Variants in AMBRA1 observed in about 807,000 individuals in gnomAD.
The protein encoded by AMBRA1 is activating molecule in BECN1-regulated autophagy protein 1.
A neutral mutation model predicts 125.4 loss-of-function variants in AMBRA1; 47 were observed. The ratio of observed to expected loss-of-function variants is 0.37; its 90% CI spans 0.30 to 0.48. The LOEUF is 0.48. AMBRA1 is among the 20% of genes least tolerant of loss of function. The pLI, the probability that AMBRA1 is intolerant of heterozygous loss-of-function variation, is 0.99. For missense variants in AMBRA1, 1,331 were observed against 1,693.4 expected, an observed-to-expected ratio of 0.79 and a Z score of 3.76; for synonymous variants, 626 against 655.5, an observed-to-expected ratio of 0.95 and a Z score of 0.69.
At chr11:46,573,101 CAAA>C (rs36105565) in intron 1 of AMBRA1, among the ~76,000 whole-genome samples, 3 of 117,772 alleles carry the variant, frequency 2.5e-5, no homozygotes, top group Admixed American at 9.2e-5. Flanking sequence ...AACTCTGTCT[CAAA>C]AAAAAAAAAA....
chr11:46,581,716 C>T (rs1298288543), intron 1 of AMBRA1, among the ~76,000 whole-genome samples: 2 of 149,874 alleles, frequency 1.3e-5, no homozygotes, highest in Non-Finnish European at 3.0e-5. Flanking sequence ...AGGAGAATCG[C>T]TTGAACCCAG....
chr11:46,481,296 G>C lies in AMBRA1; in HGVS notation c.2521+12312C>G, dbSNP rs187871539. On this transcript the variant is annotated intron_variant, in intron 11 of 17. Transcript: ENST00000683756. ...TGTTTGGGAATATAATTCTTCTACA[G>C]GGCCCTCTTTCTAGGGGAAAGGATC... Among the ~76,000 whole-genome samples, 115 of 152,260 alleles carry C rather than the reference G, an allele frequency of 7.6e-4. 1 individual carries two copies. The highest frequency in any genetic ancestry group is 7.4e-3 in the Admixed American group (113 of 15,294).
At chr11:46,506,074 T>C (rs1951026156) in intron 9 of AMBRA1, among the ~76,000 whole-genome samples, 1 of 152,166 alleles carries the variant, frequency 6.6e-6, no homozygotes, top group African/African-American at 2.4e-5. Flanking sequence ...GAATAGACCC[T>C]GGTGCTGGAA....
intron 11 of AMBRA1, among the ~76,000 whole-genome samples, chr11:46,492,071 C>T (rs545550987): frequency 2.6e-5 from 4 of 152,312 alleles, no homozygotes; most frequent in African/African-American, 9.6e-5. Flanking sequence ...GTGAAAAAAG[C>T]TTTAACGTGC....
At chr11:46,587,506 A>T (rs761306034) in intron 1 of AMBRA1, among the ~76,000 whole-genome samples, 54 of 152,358 alleles carry the variant, frequency 3.5e-4, no homozygotes, top group Non-Finnish European at 6.6e-4. Flanking sequence ...TACATGTAGC[A>T]ATCAATCTTA....
chr11:46,572,832 G>T (rs79505812), intron 1 of AMBRA1, among the ~76,000 whole-genome samples: 1 of 152,098 alleles, frequency 6.6e-6, no homozygotes, highest in Non-Finnish European at 1.5e-5. Flanking sequence ...GGTGGCTCAC[G>T]CCTGTAATCA....
intron 11 of AMBRA1, among the ~76,000 whole-genome samples, chr11:46,488,958 G>A (rs1355538268): frequency 3.9e-5 from 6 of 152,066 alleles, no homozygotes; most frequent in Admixed American, 6.5e-5. Context: ...GCCCAAGTGC[G>A]GGGGCGAGAT....
intron 1 of AMBRA1, among the ~76,000 whole-genome samples, chr11:46,590,090 T>G (rs771065302): frequency 1.3e-5 from 2 of 151,650 alleles, no homozygotes; most frequent in Non-Finnish European, 2.9e-5. Flanking sequence ...TAAAAATGTA[T>G]GGCCGAGCGA....
chr11:46,410,276 C>G lies in AMBRA1; in HGVS notation c.3209G>C (p.Gly1070Ala). ...CTCCCTGCCTACTTCCCAAACATAC[C>G]CAGGCCGCTCGCTGCTCCTGCTGTT... is the stretch of plus-strand genomic sequence containing the variant. ...HSNSRSSERPGTSRATWRTDR... is the reference protein window; with the variant it reads ...HSNSRSSERPATSRATWRTDR... Residue 1070 changes from glycine to alanine, a missense_variant and splice_region_variant, in exon 16 of 18, where the codon GGA becomes GCA. Around this residue, in one of 4 missense-constraint regions of AMBRA1, gnomAD observed 354 missense variants for 532.7 expected, o/e 0.66. Transcript: ENST00000683756. The G allele has an allele frequency of 6.2e-7, 1 of 1,613,536 alleles. No homozygotes were observed. Among genetic ancestry groups the G allele is most frequent in the Non-Finnish European group, 8.5e-7 (1 of 1,179,862 alleles).
intron 9 of AMBRA1, among the ~76,000 whole-genome samples, chr11:46,507,342 G>A (rs1361983381): frequency 6.6e-5 from 10 of 151,680 alleles, no homozygotes; most frequent in Non-Finnish European, 1.5e-5. Context: ...AGCCAGGCGC[G>A]GTGGCGGGCG....
intron 5 of AMBRA1, 59 bp from the exon 6 acceptor site, chr11:46,544,100 G>C: frequency 7.3e-7 from 1 of 1,376,928 alleles, no homozygotes; most frequent in Non-Finnish European, 1.0e-6. Flanking sequence ...TAACTGAGAA[G>C]AGGAAACTTG....
In AMBRA1 at chr11:46,418,068, G is replaced by A. The variant is rs571185950; in HGVS notation, c.2977-16C>T. The A allele has an allele frequency of 3.1e-5, 47 of 1,523,950 alleles. 1 individual carries two copies. The highest frequency in any genetic ancestry group is 2.6e-4 in the Admixed American group (14 of 54,288). 94.4% of individuals were successfully genotyped at this position (1,523,950 alleles called of 1,614,324 possible). On this transcript the variant is annotated splice_polypyrimidine_tract_variant and intron_variant, in intron 14 of 17. Coordinates refer to ENST00000683756, the MANE Select transcript of AMBRA1 (RefSeq NM_001387011.1). ...TGAAAACTCTCTAGGTAGAGGAAAAGAGGGAAAAAAAGAGAATGGGAGGAG... is the reference window on the plus strand; with the variant it reads ...TGAAAACTCTCTAGGTAGAGGAAAAAAGGGAAAAAAAGAGAATGGGAGGAG...
intron 1 of AMBRA1, among the ~76,000 whole-genome samples, chr11:46,588,932 C>CA (rs923540186): frequency 2.8e-4 from 43 of 152,020 alleles, no homozygotes; most frequent in Admixed American, 6.6e-4. Flanking sequence ...TGGGCTTCAA[C>CA]AAAAAAATGG....
At chr11:46,531,506 T>TCAAGA (rs1187482867) in intron 7 of AMBRA1, among the ~76,000 whole-genome samples, 1 of 151,432 alleles carries the variant, frequency 6.6e-6, no homozygotes, top group African/African-American at 2.4e-5. Context: ...GGTCAGGAGT[T>TCAAGA]CAAGACCAGC....
intron 9 of AMBRA1, among the ~76,000 whole-genome samples, chr11:46,496,882 C>A (rs1013274490): frequency 6.7e-6 from 1 of 150,124 alleles, no homozygotes; most frequent in African/African-American, 2.5e-5. Flanking sequence ...GAGGCTGAGG[C>A]GGGCAGATCA....
intron 11 of AMBRA1, among the ~76,000 whole-genome samples, chr11:46,482,902 A>C (rs1284173809): frequency 6.6e-6 from 1 of 151,920 alleles, no homozygotes; most frequent in Non-Finnish European, 1.5e-5. Flanking sequence ...CCAGCTACTC[A>C]GGACGCTGAG....
At chr11:46,466,284 T>C (rs909402577) in intron 11 of AMBRA1, among the ~76,000 whole-genome samples, 1 of 151,050 alleles carries the variant, frequency 6.6e-6, no homozygotes, top group Non-Finnish European at 1.5e-5. Context: ...GAGGCGGAGG[T>C]TGCAGTGAGC....
At chr11:46,563,201 T>TC (rs1434067897) in intron 1 of AMBRA1, among the ~76,000 whole-genome samples, 1 of 152,080 alleles carries the variant, frequency 6.6e-6, no homozygotes, top group African/African-American at 2.4e-5. Flanking sequence ...GGCCAGGAGT[T>TC]CAAGACCAGC....
chr11:46,496,714 T>C (rs1590954222), intron 9 of AMBRA1, among the ~76,000 whole-genome samples: 1 of 151,436 alleles, frequency 6.6e-6, no homozygotes, highest in Non-Finnish European at 1.5e-5. Context: ...CTGGGGAAAA[T>C]GTGGGCCCGT....
Sources: allele counts gnomAD v4.1 joint callset (sites outside exome capture counted in the v4.1 genomes callset), GRCh38; gene constraint gnomAD v4.1.1; regional missense constraint gnomAD v4.1.1; transcripts MANE v1.5; gene names NCBI Gene and HGNC (gene_info 2026-07-23, HGNC 2026-07-21).